The following OTOF variants were observed in gnomAD, a reference collection of about 807,000 sequenced individuals.
OTOF encodes otoferlin, also known as fer-1-like family member 2.
In OTOF, 218 loss-of-function variants were observed where a neutral mutation model predicts 236.8. The observed-to-expected ratio is 0.92, with a 90% CI of 0.82 to 1.03. OTOF has a LOEUF of 1.03. Ranked by LOEUF, OTOF falls within the 50% of genes least tolerant of loss-of-function variation. OTOF has a pLI of 0.00. For missense variants in OTOF, 2,590 were observed against 2,694.4 expected, an observed-to-expected ratio of 0.96 and a Z score of 0.86; for synonymous variants, 1,041 against 1,072.5, an observed-to-expected ratio of 0.97 and a Z score of 0.57.
At position 26,462,001 on chromosome 2, in the gene OTOF, C is replaced by T. The variant is rs1664488425; in HGVS notation, c.5292-64G>A. 6.2e-7 allele frequency: 1 copy of T among 1,613,404 alleles called. No homozygotes were observed. The highest frequency in any genetic ancestry group is 1.3e-5 in the African/African-American group (1 of 75,008). Reference sequence around the variant, plus strand: ...TGGGGCCTCTCCCACCCACAGCCACCTTCCCTCTGCCTCCTCTCCTGCCCC... The same window carrying T: ...TGGGGCCTCTCCCACCCACAGCCACTTTCCCTCTGCCTCCTCTCCTGCCCC... On this transcript the variant is annotated intron_variant, in intron 42 of 46. Coordinates refer to ENST00000272371, the MANE Select transcript of OTOF (RefSeq NM_194248.3). This position sits in a 1 kb window ranked among gnomAD's most constrained non-coding sequence, Gnocchi z 4.7.
intron 1 of OTOF, among the ~76,000 whole-genome samples, chr2:26,550,789 C>G (rs1667442072): frequency 6.6e-6 from 1 of 152,140 alleles, no homozygotes; most frequent in South Asian, 2.1e-4. Context: ...GCCCGCAGTC[C>G]TCACCTCTAG....
intron 25 of OTOF, 28 bp from the exon 26 acceptor site, chr2:26,474,702 C>T (rs771439910): frequency 1.9e-6 from 3 of 1,612,884 alleles, no homozygotes; most frequent in Non-Finnish European, 2.5e-6. Flanking sequence ...CCAGAAGCCT[C>T]TTGGTGCTTG....
At chr2:26,548,354 T>A (rs1011129508) in intron 1 of OTOF, among the ~76,000 whole-genome samples, 1 of 152,208 alleles carries the variant, frequency 6.6e-6, no homozygotes, top group African/African-American at 2.4e-5. Flanking sequence ...ATAACATTCA[T>A]CCTTCTAAAG....
chr2:26,483,412 T>A, intron 13 of OTOF, 50 bp downstream of exon 13: 3 of 1,560,852 alleles, frequency 1.9e-6, no homozygotes, highest in Non-Finnish European at 2.6e-6. Flanking sequence ...AGCCTGCCCT[T>A]GTGATACCTG....
At chr2:26,481,665 G>A (rs938562938) in intron 14 of OTOF, among the ~76,000 whole-genome samples, 14 of 151,980 alleles carry the variant, frequency 9.2e-5, no homozygotes, top group Non-Finnish European at 1.5e-4. Context: ...GTGGTTTTTC[G>A]TATATTCACT....
chr2:26,554,644 G>A (rs980425917), intron 1 of OTOF, among the ~76,000 whole-genome samples: 2 of 152,168 alleles, frequency 1.3e-5, no homozygotes, highest in African/African-American at 4.8e-5. Flanking sequence ...CGTTCTCAAG[G>A]TGGAGGGTGG....
chr2:26,494,660 G>T (rs930380208), intron 9 of OTOF, among the ~76,000 whole-genome samples: 3 of 136,552 alleles, frequency 2.2e-5, no homozygotes, highest in African/African-American at 7.8e-5. Context: ...GTGGGGTGGG[G>T]GGGGGTTCTT....
At chr2:26,515,671 G>C (rs1269624515) in intron 5 of OTOF, among the ~76,000 whole-genome samples, 1 of 152,124 alleles carries the variant, frequency 6.6e-6, no homozygotes, top group Non-Finnish European at 1.5e-5. Flanking sequence ...AACACACCCT[G>C]GTCCTTCAGA....
Position 26,477,447 on chromosome 2 carries a change from C to T in OTOF, c.2375G>A (p.Arg792Gln), listed in dbSNP as rs144800506. 4.8e-4 allele frequency: 763 copies of T among 1,600,004 alleles called. 5 individuals are homozygous for T. In the African/African-American group the frequency reaches 4.8e-3, roughly 10 times the overall value. The change falls in exon 20 of 47, where the codon CGG becomes CAG. Residue 792 changes from arginine to glutamine, a missense_variant. Coordinates refer to ENST00000272371, the MANE Select transcript of OTOF (RefSeq NM_194248.3). This position sits in a 1 kb window ranked among gnomAD's most constrained non-coding sequence, Gnocchi z 4.7. ...QGHSSRTRLD[R>Q]ERLKSCMREL... ...CCTCATGCAGGACTTGAGGCGCTCCCGGTCAAGCCTGGTGCGGGATGAGTG... is the reference window on the plus strand; with the variant it reads ...CCTCATGCAGGACTTGAGGCGCTCCTGGTCAAGCCTGGTGCGGGATGAGTG...
chr2:26,502,364 G>T lies in OTOF; in HGVS notation c.646C>A (p.Leu216Met), dbSNP rs746715863. ...DHLAIRLGDG[L>M]DPDSVSLASV... ...GCTAGAGACACCGAGTCGGGATCCA[G>T]TCCATCTCCTAGCCGAATGGCCAGA... Residue 216 changes from leucine (L) to methionine (M), a missense_variant, in exon 7 of 47, where the codon CTG becomes ATG. By Grantham distance (15) the Leu-to-Met change is conservative. This residue lies in a region of OTOF where 1,379 missense variants were observed against 1,341.6 expected (regional missense o/e 1.03). Coordinates refer to ENST00000272371, the MANE Select transcript of OTOF (RefSeq NM_194248.3). The T allele has an allele frequency of 6.2e-7, 1 of 1,613,778 alleles. No homozygotes were observed.
chr2:26,485,594 A>G (rs975504409), intron 11 of OTOF, among the ~76,000 whole-genome samples: 3 of 152,186 alleles, frequency 2.0e-5, no homozygotes, highest in Non-Finnish European at 4.4e-5. Flanking sequence ...AAGCAAAGGG[A>G]AGCGCATCAC....
In OTOF at chr2:26,510,827, G is replaced by A. The variant is rs563293005; in HGVS notation, c.509+5591C>T. ...GACCAGAGACACTGGCCTCAGCCCC[G>A]GCCCCACGGGCCTGCACGCTCCCCG... On this transcript the variant is annotated intron_variant, in intron 5 of 46. Transcript: ENST00000272371. The A allele has an allele frequency of 2.6e-5, 25 of 955,286 alleles. No individual in the cohort carries two copies. In the East Asian group the frequency reaches 7.4e-4, roughly 28 times the overall value. 59.2% of individuals were successfully genotyped at this position (955,286 alleles called of 1,614,324 possible).
At chr2:26,532,590 C>A (rs1359270936) in intron 2 of OTOF, among the ~76,000 whole-genome samples, 1 of 152,128 alleles carries the variant, frequency 6.6e-6, no homozygotes, top group Non-Finnish European at 1.5e-5. Context: ...AGACACAGAC[C>A]TGGAATAGCA....
Position 26,462,384 on chromosome 2 carries a change from G to T in OTOF, c.5193-203C>A, listed in dbSNP as rs1664508454. On this transcript the variant is annotated intron_variant, in intron 41 of 46. Coordinates refer to ENST00000272371, the MANE Select transcript of OTOF (RefSeq NM_194248.3). The surrounding 1 kb of genome is among the most constrained non-coding windows in gnomAD (Gnocchi z 4.7). ...AGGCCCACCAGGCACATGGCTGTGGGCGGTGGGGGTGGGGTGAGGGGAGGA... is the reference window on the plus strand; with the variant it reads ...AGGCCCACCAGGCACATGGCTGTGGTCGGTGGGGGTGGGGTGAGGGGAGGA... Among the ~76,000 whole-genome samples the T allele has an allele frequency of 1.3e-5, 2 of 152,102 alleles. No individual in the cohort carries two copies. The highest frequency in any genetic ancestry group is 4.1e-4 in the South Asian group (2 of 4,822).
intron 32 of OTOF, among the ~76,000 whole-genome samples, chr2:26,469,595 C>G (rs1259285256): frequency 6.6e-6 from 1 of 152,208 alleles, no homozygotes. Flanking sequence ...TTAACCCTTC[C>G]TGTGCACTTG....
chr2:26,527,970 C>A (rs1043143028), intron 2 of OTOF, 50 bp from the exon 3 acceptor site: 3 of 1,349,066 alleles, frequency 2.2e-6, no homozygotes, highest in Non-Finnish European at 3.2e-6. Flanking sequence ...CAGGTAGGAG[C>A]CGTGGGGTGT....
chr2:26,511,137 C>A (rs1337183255), intron 5 of OTOF, among the ~76,000 whole-genome samples: 4 of 152,184 alleles, frequency 2.6e-5, no homozygotes, highest in Non-Finnish European at 1.5e-5. Context: ...CGGCCTGGGC[C>A]ACCCTGCTCC....
chr2:26,481,799 T>G (rs1468807426), intron 14 of OTOF, among the ~76,000 whole-genome samples: 6 of 152,188 alleles, frequency 3.9e-5, no homozygotes, highest in Non-Finnish European at 8.8e-5. Flanking sequence ...CTACTTTCTG[T>G]CTCTGTGGAT....
intron 39 of OTOF, among the ~76,000 whole-genome samples, chr2:26,464,391 C>A (rs1045362532): frequency 3.9e-5 from 6 of 151,954 alleles, no homozygotes; most frequent in Admixed American, 2.0e-4. Context: ...GGAGAATCCA[C>A]TTCCTGTCCC....
Sources: allele counts gnomAD v4.1 joint callset (sites outside exome capture counted in the v4.1 genomes callset), GRCh38; gene constraint gnomAD v4.1.1; regional missense constraint gnomAD v4.1.1; non-coding constraint Gnocchi (gnomAD v3.1); transcripts MANE v1.5; gene names NCBI Gene and HGNC (gene_info 2026-07-23, HGNC 2026-07-21).